Variants in ITFG1 observed in about 807,000 individuals in gnomAD.
The protein encoded by ITFG1 is T-cell immunomodulatory protein.
ITFG1 carries 34 observed loss-of-function variants against 81.8 expected under a neutral mutation model. The observed-to-expected ratio is 0.42, with a 90% CI of 0.32 to 0.55. The LOEUF is 0.55. Ranked by LOEUF, ITFG1 falls within the 20% of genes least tolerant of loss-of-function variation. The pLI, the probability that ITFG1 is intolerant of heterozygous loss-of-function variation, is 0.17. For synonymous variants in ITFG1, 285 were observed against 270.6 expected (o/e 1.05, Z -0.52); for missense variants, 672 against 755.4 (o/e 0.89, Z 1.29).
At chr16:47,351,265 C>G (rs1030753070) in intron 8 of ITFG1, among the ~76,000 whole-genome samples, 1 of 152,162 alleles carries the variant, frequency 6.6e-6, no homozygotes, top group African/African-American at 2.4e-5. Flanking sequence ...AAGAGGAAGT[C>G]GAATTGTCCC....
intron 6 of ITFG1, among the ~76,000 whole-genome samples, chr16:47,420,518 T>C (rs1173761399): frequency 1.3e-5 from 2 of 152,132 alleles, no homozygotes; most frequent in African/African-American, 4.8e-5. Context: ...ATGATGGAGG[T>C]GGGCCTAAGA....
chr16:47,247,082 C>T (rs1349461241), intron 12 of ITFG1, among the ~76,000 whole-genome samples: 1 of 152,098 alleles, frequency 6.6e-6, no homozygotes, highest in Non-Finnish European at 1.5e-5. Flanking sequence ...CCACGCATGG[C>T]CTAGTTTTCT....
intron 14 of ITFG1, among the ~76,000 whole-genome samples, chr16:47,207,790 C>T (rs1368443171): frequency 6.6e-6 from 1 of 151,076 alleles, no homozygotes; most frequent in Non-Finnish European, 1.5e-5. Context: ...CCCCACCCTC[C>T]CGCCCCTTCC....
At chr16:47,366,360 A>G (rs1327615872) in intron 7 of ITFG1, among the ~76,000 whole-genome samples, 1 of 152,204 alleles carries the variant, frequency 6.6e-6, no homozygotes, top group East Asian at 1.9e-4. Context: ...AAATGAGAGG[A>G]GAATTTCATT....
Position 47,352,756 on chromosome 16 carries a change from C to T in ITFG1, c.802+13032G>A, listed in dbSNP as rs547979133. 7.2e-5 allele frequency among the ~76,000 whole-genome samples: 11 copies of T among 152,246 alleles called. No individual in the cohort carries two copies. The East Asian group carries it at 1.9e-3, about 27-fold the overall frequency. On this transcript the variant is annotated intron_variant, in intron 8 of 17. Transcript: ENST00000320640. ...TCATGCTGCTATAAAGACACATGCA[C>T]ACATATGTTTATTGCGACACTATTC...
At chr16:47,429,869 C>T (rs1272099835) in intron 5 of ITFG1, among the ~76,000 whole-genome samples, 4 of 151,952 alleles carry the variant, frequency 2.6e-5, no homozygotes, top group Admixed American at 2.6e-4. Flanking sequence ...ACCTTTTTGC[C>T]CAGGCTAGTC....
intron 8 of ITFG1, among the ~76,000 whole-genome samples, chr16:47,350,633 G>C (rs1017259881): frequency 6.6e-6 from 1 of 152,158 alleles, no homozygotes; most frequent in Non-Finnish European, 1.5e-5. Flanking sequence ...TCTACCTGAG[G>C]TACAAGGAGG....
intron 8 of ITFG1, among the ~76,000 whole-genome samples, chr16:47,323,300 G>A (rs1967476727): frequency 6.6e-6 from 1 of 152,140 alleles, no homozygotes; most frequent in Admixed American, 6.5e-5. Flanking sequence ...ATCATGGGAG[G>A]AGAATCATAG....
At chr16:47,319,365 C>G (rs571810934) in intron 8 of ITFG1, among the ~76,000 whole-genome samples, 50 of 152,288 alleles carry the variant, frequency 3.3e-4, no homozygotes, top group African/African-American at 1.2e-3. Flanking sequence ...AAGCTCACTT[C>G]GTTCATTTTA....
intron 6 of ITFG1, among the ~76,000 whole-genome samples, chr16:47,418,070 C>T (rs768065759): frequency 8.6e-5 from 13 of 152,036 alleles, no homozygotes; most frequent in South Asian, 2.1e-4. Context: ...TTTTTGATGA[C>T]AGCCATTTGA....
chr16:47,186,988 T>G (rs1462393272), intron 14 of ITFG1, among the ~76,000 whole-genome samples: 5 of 152,084 alleles, frequency 3.3e-5, no homozygotes, highest in Admixed American at 2.6e-4. Flanking sequence ...GAGAGCCAAA[T>G]CATGAGTGAA....
intron 14 of ITFG1, among the ~76,000 whole-genome samples, chr16:47,188,619 G>A (rs1460021692): frequency 1.7e-5 from 2 of 119,368 alleles, no homozygotes; most frequent in African/African-American, 6.2e-5. Flanking sequence ...GTTGTGGGGT[G>A]GGGGGAGGGG....
intron 13 of ITFG1, among the ~76,000 whole-genome samples, chr16:47,236,877 C>T (rs1596825759): frequency 6.6e-6 from 1 of 152,228 alleles, no homozygotes; most frequent in Non-Finnish European, 1.5e-5. Context: ...GTGTTGGCTG[C>T]TAACAGCTCA....
Position 47,411,492 on chromosome 16 carries a change from G to A in ITFG1, c.655+17312C>T, listed in dbSNP as rs180863101. ...AACCTTGGGCTGTGGGCGCCATACC[G>A]GCTGCACACTCAGGGAAATAACGCC... On this transcript the variant is annotated intron_variant, in intron 6 of 17. Transcript: ENST00000320640. Among the ~76,000 whole-genome samples the A allele has an allele frequency of 1.6e-3, 240 of 152,152 alleles. 2 individuals carry two copies. The highest frequency in any genetic ancestry group is 3.4e-3 in the Middle Eastern group (1 of 292).
chr16:47,416,178 T>C (rs1968872531), intron 6 of ITFG1, among the ~76,000 whole-genome samples: 1 of 152,020 alleles, frequency 6.6e-6, no homozygotes, highest in African/African-American at 2.4e-5. Context: ...CATGAGATTA[T>C]GAGCGATGTC....
At chr16:47,417,479 T>C (rs567160802) in intron 6 of ITFG1, among the ~76,000 whole-genome samples, 17 of 152,332 alleles carry the variant, frequency 1.1e-4, no homozygotes, top group Admixed American at 6.5e-4. Flanking sequence ...TGATGTGCTA[T>C]TGAATGTTAG....
At chr16:47,183,259 G>A (rs1030272444) in intron 14 of ITFG1, among the ~76,000 whole-genome samples, 1 of 152,204 alleles carries the variant, frequency 6.6e-6, no homozygotes, top group Non-Finnish European at 1.5e-5. Flanking sequence ...CTGGAAGCTC[G>A]AACTGGGTGG....
At chr16:47,294,875 T>C (rs1259243369) in intron 10 of ITFG1, among the ~76,000 whole-genome samples, 3 of 152,166 alleles carry the variant, frequency 2.0e-5, no homozygotes, top group Non-Finnish European at 4.4e-5. Flanking sequence ...CTGATTTCTC[T>C]GGTTAGGACG....
chr16:47,403,635 T>C (rs1381768296), intron 6 of ITFG1, among the ~76,000 whole-genome samples: 2 of 152,162 alleles, frequency 1.3e-5, no homozygotes, highest in African/African-American at 4.8e-5. Context: ...GGCACTGTAG[T>C]TGTACAGGAG....
Sources: gnomAD v4.1 joint callset for allele counts (sites outside exome capture counted in the v4.1 genomes callset) on GRCh38, gnomAD v4.1.1 for gene constraint, MANE v1.5 for transcripts, NCBI Gene and HGNC (gene_info 2026-07-23, HGNC 2026-07-21) for gene names.